The following SLC14A2 variants were observed in gnomAD, a reference collection of about 807,000 sequenced individuals.
SLC14A2 encodes the protein solute carrier family 14 member 2.
SLC14A2 carries 91 observed loss-of-function variants against 104.6 expected under a neutral mutation model. The observed-to-expected ratio is 0.87, with a 90% CI of 0.73 to 1.04. The LOEUF (loss-of-function observed/expected upper bound fraction) is 1.04, where lower values mean the gene tolerates loss of function less well. Ranked by LOEUF, SLC14A2 falls within the 50% of genes least tolerant of loss-of-function variation. The pLI, the probability that SLC14A2 is intolerant of heterozygous loss-of-function variation, is 0.00. For missense variants in SLC14A2, 1,189 were observed against 1,156.0 expected (o/e 1.03, Z -0.41); for synonymous variants, 476 against 466.4 (o/e 1.02, Z -0.27).
At chr18:45,230,295 C>T (rs550540040) in intron 1 of SLC14A2, among the ~76,000 whole-genome samples, 55 of 152,284 alleles carry the variant, frequency 3.6e-4, no homozygotes, top group Middle Eastern at 3.4e-3. Flanking sequence ...AGGCAGAAGT[C>T]GAACATGGGC....
At chr18:45,310,753 A>G (rs1364574615) in intron 1 of SLC14A2, among the ~76,000 whole-genome samples, 2 of 152,192 alleles carry the variant, frequency 1.3e-5, no homozygotes, top group Non-Finnish European at 2.9e-5. Flanking sequence ...ATGGGGTTCT[A>G]TTGATGTGCA....
intron 1 of SLC14A2, among the ~76,000 whole-genome samples, chr18:45,299,502 C>T (rs1393326941): frequency 1.3e-5 from 2 of 152,178 alleles, no homozygotes; most frequent in African/African-American, 4.8e-5. Context: ...TTCTTTGTCA[C>T]CCAGGCTGGA....
chr18:45,574,298 A>G (rs1387474839), intron 2 of SLC14A2, among the ~76,000 whole-genome samples: 4 of 152,330 alleles, frequency 2.6e-5, no homozygotes, highest in African/African-American at 9.6e-5. Context: ...GTGCTACCAG[A>G]CAGAAGGTTC....
the SLC14A2 span, among the ~76,000 whole-genome samples, chr18:45,178,953 C>T: frequency 6.6e-6 from 1 of 152,160 alleles, no homozygotes; most frequent in South Asian, 2.1e-4. Context: ...CATTAGAAAA[C>T]TACTACAAGT....
intron 10 of SLC14A2, among the ~76,000 whole-genome samples, chr18:45,654,248 C>T (rs923786422): frequency 2.6e-5 from 4 of 152,070 alleles, no homozygotes; most frequent in African/African-American, 7.2e-5. Flanking sequence ...GTTCAGGGAA[C>T]GCAAGCTAGT....
chr18:45,555,275 A>T lies in SLC14A2; in HGVS notation c.-34-69356A>T, dbSNP rs183956296. 1.9e-3 allele frequency among the ~76,000 whole-genome samples: 293 copies of T among 152,298 alleles called. 1 individual carries two copies. Among genetic ancestry groups the T allele is most frequent in the Non-Finnish European group, 1.0e-3 (68 of 68,014 alleles). On this transcript the variant is annotated intron_variant, in intron 2 of 20. Transcript: ENST00000586448. ...GGGAGCATTCATGGTTTTAATAAGAACATTCAATGGTATAATATAGTTTTA... is the reference window on the plus strand; with the variant it reads ...GGGAGCATTCATGGTTTTAATAAGATCATTCAATGGTATAATATAGTTTTA...
chr18:45,359,907 T>G (rs772164334), intron 1 of SLC14A2, among the ~76,000 whole-genome samples: 1 of 152,176 alleles, frequency 6.6e-6, no homozygotes, highest in Non-Finnish European at 1.5e-5. Context: ...ATGGTAAAGT[T>G]CACATTTCTT....
chr18:45,209,368 A>G (rs1025642266), upstream of SLC14A2, among the ~76,000 whole-genome samples: 1 of 151,852 alleles, frequency 6.6e-6, no homozygotes, highest in African/African-American at 2.4e-5. Context: ...CAACAACAAC[A>G]ACAACAACAA....
chr18:45,353,942 T>C (rs969902739), intron 1 of SLC14A2, among the ~76,000 whole-genome samples: 1 of 152,184 alleles, frequency 6.6e-6, no homozygotes, highest in African/African-American at 2.4e-5. Context: ...TTTAGCAAGA[T>C]GTATGGGGAC....
chr18:45,364,074 T>C (rs946522407), intron 1 of SLC14A2, among the ~76,000 whole-genome samples: 6 of 152,286 alleles, frequency 3.9e-5, no homozygotes, highest in Admixed American at 1.3e-4. Context: ...CTTTCCCGTC[T>C]CACCTGAGCC....
chr18:45,182,706 A>G, the SLC14A2 span, among the ~76,000 whole-genome samples: 6 of 152,272 alleles, frequency 3.9e-5, no homozygotes, highest in African/African-American at 1.4e-4. Context: ...CAAAAAATAT[A>G]TAAAGTAGAA....
At chr18:45,366,010 T>C (rs78215931) in intron 1 of SLC14A2, among the ~76,000 whole-genome samples, 1 of 145,108 alleles carries the variant, frequency 6.9e-6, no homozygotes, top group African/African-American at 2.5e-5. Flanking sequence ...AAAAAAAAAA[T>C]CAACTTCAAT....
In SLC14A2 at chr18:45,248,305, C is replaced by T. The variant is rs933437659; in HGVS notation, c.-125+35114C>T. Among the ~76,000 whole-genome samples the T allele has an allele frequency of 7.9e-5, 12 of 151,960 alleles. No homozygotes were observed. The East Asian group carries it at 1.2e-3, about 15-fold the overall frequency. On this transcript the variant is annotated intron_variant, in intron 1 of 20. Coordinates refer to the SLC14A2 transcript ENST00000586448. The stretch of plus-strand genomic sequence containing the variant: ...CATTTTATCGTCCCATAGCAAATAC[C>T]GGATGCTTTGATTTGATTGTTATTT...
intron 1 of SLC14A2, among the ~76,000 whole-genome samples, chr18:45,407,196 C>T (rs1278930708): frequency 6.6e-6 from 1 of 152,152 alleles, no homozygotes; most frequent in Non-Finnish European, 1.5e-5. Flanking sequence ...ATGATCTTGG[C>T]TAGATCTTCT....
chr18:45,525,302 G>A (rs553661470), intron 2 of SLC14A2, among the ~76,000 whole-genome samples: 3 of 152,278 alleles, frequency 2.0e-5, no homozygotes, highest in African/African-American at 4.8e-5. Context: ...AATGAAACAA[G>A]ACTTCATGGG....
intron 1 of SLC14A2, among the ~76,000 whole-genome samples, chr18:45,227,595 T>C (rs1397704126): frequency 1.5e-4 from 23 of 152,210 alleles, no homozygotes; most frequent in Admixed American, 1.5e-3. Flanking sequence ...CCTGATCACC[T>C]CTTAAAGGCC....
chr18:45,494,056 C>T (rs1180990755), intron 2 of SLC14A2, among the ~76,000 whole-genome samples: 1 of 152,210 alleles, frequency 6.6e-6, no homozygotes, highest in Non-Finnish European at 1.5e-5. Context: ...TAAGTCAAGT[C>T]CTGGCAGGGT....
chr18:45,572,035 T>C (rs2044354506), intron 2 of SLC14A2, among the ~76,000 whole-genome samples: 1 of 152,116 alleles, frequency 6.6e-6, no homozygotes, highest in Admixed American at 6.5e-5. Context: ...AGAGTCCAGA[T>C]ATGGATTTTT....
At chr18:45,541,920 T>A (rs960359441) in intron 2 of SLC14A2, among the ~76,000 whole-genome samples, 8 of 151,650 alleles carry the variant, frequency 5.3e-5, no homozygotes. Flanking sequence ...ACTTGTGTGG[T>A]GAAGGAATTA....
Sources: gnomAD v4.1 joint callset for allele counts (sites outside exome capture counted in the v4.1 genomes callset) on GRCh38, gnomAD v4.1.1 for gene constraint, MANE v1.5 for transcripts, NCBI Gene and HGNC (gene_info 2026-07-23, HGNC 2026-07-21) for gene names.